KIF6: variants seen among roughly 807,000 people sequenced by gnomAD.
KIF6 encodes the protein kinesin family member 6.
Under a neutral mutation model 112.7 loss-of-function variants are expected in KIF6, and 106 were observed. The observed-to-expected ratio is 0.94, with a 90% CI of 0.80 to 1.11. The LOEUF is 1.11. KIF6 is among the 50% of genes least tolerant of loss of function. KIF6 has a pLI of 0.00. For missense variants in KIF6, 929 were observed against 964.0 expected, an observed-to-expected ratio of 0.96 and a Z score of 0.48; for synonymous variants, 339 against 339.9, an observed-to-expected ratio of 1.00 and a Z score of 0.03.
chr6:39,458,282 C>G lies in KIF6; in HGVS notation c.1646-27121G>C, dbSNP rs1345108732. ...TCAAAGACAAAAACCACATGATTAT[C>G]TCAATAGATGCAGAAAAAGCCTTTG... On this transcript the variant is annotated intron_variant, in intron 13 of 22. Coordinates refer to ENST00000287152, the MANE Select transcript of KIF6 (RefSeq NM_145027.6). Among the ~76,000 whole-genome samples, 3 of 150,928 alleles carry G rather than the reference C, an allele frequency of 2.0e-5. No individual in the cohort carries two copies. The East Asian group carries it at 5.8e-4, about 29-fold the overall frequency.
chr6:39,703,045 AC>A (rs1158739424), intron 3 of KIF6, among the ~76,000 whole-genome samples: 1 of 23,694 alleles, frequency 4.2e-5, no homozygotes, highest in Non-Finnish European at 8.4e-5. Flanking sequence ...CCCCATTTCC[AC>A]CCCCCGGCCA....
chr6:39,398,561 T>TG (rs898715985), intron 15 of KIF6, among the ~76,000 whole-genome samples: 2 of 152,214 alleles, frequency 1.3e-5, no homozygotes, highest in African/African-American at 4.8e-5. Flanking sequence ...ATCATTTTAA[T>TG]GGGGCATTTG....
intron 7 of KIF6, among the ~76,000 whole-genome samples, chr6:39,593,952 C>T (rs934191337): frequency 6.6e-6 from 1 of 152,172 alleles, no homozygotes; most frequent in Non-Finnish European, 1.5e-5. Context: ...TCTCCCTGCA[C>T]TAGACCATGA....
chr6:39,336,286 G>T lies in KIF6; in HGVS notation c.*246C>A. ...ACCCTGCCCCTAGCACTCTGGCCTT[G>T]CCTGGCCCTGCCAGCAGCTCCAGCA... On this transcript the variant is annotated 3_prime_UTR_variant, in exon 23 of 23. Coordinates refer to ENST00000287152, the MANE Select transcript of KIF6 (RefSeq NM_145027.6). 2 of 546,878 alleles carry T rather than the reference G, an allele frequency of 3.7e-6. No individual in the cohort carries two copies. Among genetic ancestry groups the T allele is most frequent in the Non-Finnish European group, 6.6e-6 (2 of 305,120 alleles). 33.9% of individuals were successfully genotyped at this position (546,878 alleles called of 1,614,324 possible). A position where few individuals can be genotyped will look rare whatever the true frequency, so the allele number is the denominator to read the frequency against.
chr6:39,387,038 A>G (rs1767488082), intron 15 of KIF6, among the ~76,000 whole-genome samples: 2 of 152,230 alleles, frequency 1.3e-5, no homozygotes, highest in South Asian at 4.1e-4. Flanking sequence ...GGAGAGTTTT[A>G]GGGCACCTCT....
At chr6:39,584,322 G>T (rs944192094) in intron 9 of KIF6, among the ~76,000 whole-genome samples, 5 of 148,982 alleles carry the variant, frequency 3.4e-5, no homozygotes, top group Admixed American at 2.7e-4. Context: ...TACTTGGGAG[G>T]CTGAGGCAGG....
intron 16 of KIF6, among the ~76,000 whole-genome samples, chr6:39,369,286 C>T (rs953892133): frequency 1.1e-4 from 17 of 152,090 alleles, no homozygotes; most frequent in African/African-American, 2.7e-4. Context: ...AACACCTTAG[C>T]GGACCCAAGC....
At chr6:39,392,351 T>G (rs1364110120) in intron 15 of KIF6, among the ~76,000 whole-genome samples, 1 of 152,226 alleles carries the variant, frequency 6.6e-6, no homozygotes, top group Non-Finnish European at 1.5e-5. Flanking sequence ...TGACCATCCC[T>G]AAACATGTAG....
At chr6:39,439,466 T>A (rs145295886) in intron 13 of KIF6, among the ~76,000 whole-genome samples, 1 of 152,316 alleles carries the variant, frequency 6.6e-6, no homozygotes, top group East Asian at 1.9e-4. Context: ...AGAGAGGAAT[T>A]TCTGAGTCTC....
chr6:39,357,983 A>AT (rs1185860314), intron 18 of KIF6, among the ~76,000 whole-genome samples: 7 of 152,232 alleles, frequency 4.6e-5, no homozygotes, highest in African/African-American at 1.7e-4. Flanking sequence ...ATTGTTTAAA[A>AT]TGTTATCTTC....
At chr6:39,523,555 T>G (rs1777515917) in intron 13 of KIF6, among the ~76,000 whole-genome samples, 1 of 149,558 alleles carries the variant, frequency 6.7e-6, no homozygotes, top group East Asian at 2.0e-4. Flanking sequence ...TCACAGACCC[T>G]CTGTGTGTCC....
chr6:39,431,337 G>A, intron 13 of KIF6, 176 bp from the exon 14 acceptor site: 2 of 573,934 alleles, frequency 3.5e-6, no homozygotes, highest in East Asian at 2.9e-5. Context: ...TGCTGAGGAG[G>A]CCCTTCCAGT....
chr6:39,366,201 T>A (rs9349116), intron 16 of KIF6, among the ~76,000 whole-genome samples: 1 of 151,940 alleles, frequency 6.6e-6, no homozygotes, highest in Non-Finnish European at 1.5e-5. Context: ...GCCCATTCCC[T>A]GCGCAACACC....
In KIF6 at chr6:39,357,354, A is replaced by G; in HGVS notation, c.2103T>C (p.Asn701=). 6.2e-7 allele frequency: 1 copy of G among 1,613,638 alleles called. No homozygotes were observed. Among genetic ancestry groups the G allele is most frequent in the Non-Finnish European group, 8.5e-7 (1 of 1,179,644 alleles). The change falls in exon 19 of 23, where the codon AAT becomes AAC. Residue 701 remains asparagine (N), a synonymous_variant. Transcript: ENST00000287152. The part of the protein sequence containing the change: ...TNLQVNSPAV[N]SLDHTKPFLQ... Reference sequence around the variant, plus strand: ...GAAATGGCTTCGTGTGATCGAGTGAATTCACTGCTGGAGAATTTACCTGTT... The same window carrying G: ...GAAATGGCTTCGTGTGATCGAGTGAGTTCACTGCTGGAGAATTTACCTGTT...
At chr6:39,689,679 A>T (rs1253608470) in intron 3 of KIF6, among the ~76,000 whole-genome samples, 3 of 151,970 alleles carry the variant, frequency 2.0e-5, no homozygotes, top group Non-Finnish European at 2.9e-5. Flanking sequence ...TCACTGCATC[A>T]CTGCAGCCTT....
chr6:39,423,696 A>C (rs551769438), intron 14 of KIF6, among the ~76,000 whole-genome samples: 2 of 152,110 alleles, frequency 1.3e-5, no homozygotes, highest in Admixed American at 1.3e-4. Context: ...AATGCACAGC[A>C]CCATCACTTA....
chr6:39,633,265 A>G (rs527872751), intron 5 of KIF6, among the ~76,000 whole-genome samples: 12 of 152,274 alleles, frequency 7.9e-5, no homozygotes, highest in Admixed American at 4.6e-4. Flanking sequence ...TCTAATCGAC[A>G]TGGTTTGGTG....
In KIF6 at chr6:39,342,594, G is replaced by GTTTTTTTTTTTTTTTTTTTTTTTTTTTT. The variant is rs1443982685; in HGVS notation, c.2428+1114_2428+1115insAAAAAAAAAAAAAAAAAAAAAAAAAAAA. On this transcript the variant is annotated intron_variant, in intron 22 of 22. Transcript: ENST00000287152. The surrounding 1 kb of genome is among the most constrained non-coding windows in gnomAD (Gnocchi z 4.7). The stretch of plus-strand genomic sequence containing the variant: ...GGGGACTTGGAGATCACTGAATCCA[G>GTTTTTTTTTTTTTTTTTTTTTTTTTTTT]TTTTTTATTTTTTTTTATTTTTTTT... Among the ~76,000 whole-genome samples, 1 of 124,310 alleles carries GTTTTTTTTTTTTTTTTTTTTTTTTTTTT rather than the reference G, an allele frequency of 8.0e-6. No homozygotes were observed. Among genetic ancestry groups the GTTTTTTTTTTTTTTTTTTTTTTTTTTTT allele is most frequent in the African/African-American group, 4.4e-5 (1 of 22,826 alleles). 81.6% of individuals were successfully genotyped at this position (124,310 alleles called of 152,430 possible). A position where few individuals can be genotyped will look rare whatever the true frequency, so the allele number is the denominator to read the frequency against.
At chr6:39,609,031 A>G (rs1019768321) in intron 6 of KIF6, among the ~76,000 whole-genome samples, 9 of 152,216 alleles carry the variant, frequency 5.9e-5, no homozygotes, top group Non-Finnish European at 1.3e-4. Context: ...TATTATGCCC[A>G]TTTTACAGGT....
Sources: allele counts gnomAD v4.1 joint callset (sites outside exome capture counted in the v4.1 genomes callset), GRCh38; gene constraint gnomAD v4.1.1; non-coding constraint Gnocchi (gnomAD v3.1); transcripts MANE v1.5; gene names NCBI Gene and HGNC (gene_info 2026-07-23, HGNC 2026-07-21).